The following OLA1 variants were observed in gnomAD, a reference collection of about 807,000 sequenced individuals.
OLA1 encodes obg-like ATPase 1.
In OLA1, 14 loss-of-function variants were observed where a neutral mutation model predicts 48.4. The ratio of observed to expected loss-of-function variants is 0.29; its 90% CI spans 0.19 to 0.45. The LOEUF is 0.45. Ranked by LOEUF, OLA1 falls within the 20% of genes least tolerant of loss-of-function variation. OLA1 has a pLI of 1.00. For synonymous variants in OLA1, 127 were observed against 150.4 expected (o/e 0.84, Z 1.14); for missense variants, 325 against 467.1 (o/e 0.70, Z 2.80).
chr2:174,160,321 G>A (rs1021249167), intron 4 of OLA1, among the ~76,000 whole-genome samples: 1 of 151,908 alleles, frequency 6.6e-6, no homozygotes, highest in Non-Finnish European at 1.5e-5. Flanking sequence ...TGTCTGATAC[G>A]GTTATTCAAC....
At chr2:174,118,834 C>T (rs1206889681) in intron 7 of OLA1, among the ~76,000 whole-genome samples, 1 of 151,880 alleles carries the variant, frequency 6.6e-6, no homozygotes, top group African/African-American at 2.4e-5. Context: ...AATAGTATTG[C>T]AAAAAATACA....
chr2:174,216,424 G>C (rs1688360849), intron 4 of OLA1, among the ~76,000 whole-genome samples: 1 of 152,172 alleles, frequency 6.6e-6, no homozygotes. Flanking sequence ...CAAGAAAAAG[G>C]TGAACTGCTT....
rs76471043 is a variant in OLA1, at chr2:174,114,341, CAAAAAAAAAAAAAA to C, written c.728+8825_728+8838del. The stretch of plus-strand genomic sequence containing the variant: ...TGGGCGACAGAGCAAGACTCCGCCT[CAAAAAAAAAAAAAA>C]AAAAAAAAAAAAAAAAAAGCTAAAT... On this transcript the variant is annotated intron_variant, in intron 7 of 10. Coordinates refer to ENST00000284719, the MANE Select transcript of OLA1 (RefSeq NM_013341.5). Among the ~76,000 whole-genome samples, 128 of 60,632 alleles carry C rather than the reference CAAAAAAAAAAAAAA, an allele frequency of 2.1e-3. 2 individuals carry two copies. Among genetic ancestry groups the C allele is most frequent in the South Asian group, 0.012 (13 of 1,104 alleles). The allele number at this position is 60,632 out of a possible 152,430, so 39.8% of individuals were successfully genotyped here.
At chr2:174,093,920 C>G (rs1685185026) in intron 7 of OLA1, among the ~76,000 whole-genome samples, 1 of 152,270 alleles carries the variant, frequency 6.6e-6, no homozygotes, top group East Asian at 1.9e-4. Context: ...ATAGGGAGAG[C>G]CACAAATCTT....
intron 4 of OLA1, among the ~76,000 whole-genome samples, chr2:174,161,848 A>G (rs557259166): frequency 1.3e-5 from 2 of 152,298 alleles, no homozygotes; most frequent in South Asian, 4.1e-4. Flanking sequence ...ATTTCTAGCA[A>G]TGAAACTGAT....
chr2:174,241,074 A>G lies in OLA1; in HGVS notation c.101+5641T>C, dbSNP rs13019615. Among the ~76,000 whole-genome samples, 516 of 152,338 alleles carry G rather than the reference A, an allele frequency of 3.4e-3. 1 individual carries two copies. Among genetic ancestry groups the G allele is most frequent in the Middle Eastern group, 6.8e-3 (2 of 294 alleles). On this transcript the variant is annotated intron_variant, in intron 2 of 10. Coordinates refer to ENST00000284719, the MANE Select transcript of OLA1 (RefSeq NM_013341.5). Reference sequence around the variant, plus strand: ...CCACACCTCCATTCTCTCGAGAGCCAGACGCCAAGATATAAGGAAGCTTGG... The same window carrying G: ...CCACACCTCCATTCTCTCGAGAGCCGGACGCCAAGATATAAGGAAGCTTGG...
intron 4 of OLA1, among the ~76,000 whole-genome samples, chr2:174,194,008 G>A (rs572999836): frequency 8.5e-5 from 13 of 152,216 alleles, no homozygotes; most frequent in Admixed American, 4.6e-4. Flanking sequence ...ACACGTGCAC[G>A]CACTTTCCTC....
intron 4 of OLA1, among the ~76,000 whole-genome samples, chr2:174,158,128 G>A (rs868562869): frequency 6.6e-6 from 1 of 152,106 alleles, no homozygotes; most frequent in Non-Finnish European, 1.5e-5. Context: ...ATCTTATAAC[G>A]TCCTAGTCAG....
At chr2:174,107,018 A>G (rs948859439) in intron 7 of OLA1, among the ~76,000 whole-genome samples, 2 of 152,136 alleles carry the variant, frequency 1.3e-5, no homozygotes, top group African/African-American at 2.4e-5. Context: ...ATTTTCTCAC[A>G]TCTGTGTCCA....
At chr2:174,234,918 G>A (rs1397904042) in intron 2 of OLA1, among the ~76,000 whole-genome samples, 2 of 152,194 alleles carry the variant, frequency 1.3e-5, no homozygotes, top group Non-Finnish European at 2.9e-5. Context: ...CAGCATTTTG[G>A]AAGGCAGAGG....
At chr2:174,116,105 C>T (rs7573263) in intron 7 of OLA1, among the ~76,000 whole-genome samples, 65,151 of 152,040 alleles carry the variant, frequency 0.43, 14,755 homozygotes, top group East Asian at 0.94. Flanking sequence ...GTTTTTTTTA[C>T]CAAGTTTTGC....
intron 7 of OLA1, among the ~76,000 whole-genome samples, chr2:174,111,918 C>A (rs755966718): frequency 6.6e-6 from 1 of 152,150 alleles, no homozygotes; most frequent in Admixed American, 6.5e-5. Flanking sequence ...CTTTTATGTA[C>A]TGTCCCTACA....
intron 4 of OLA1, among the ~76,000 whole-genome samples, chr2:174,158,390 A>G (rs113427565): frequency 2.6e-5 from 4 of 152,126 alleles, no homozygotes; most frequent in Non-Finnish European, 5.9e-5. Flanking sequence ...ATTGTATTAT[A>G]TTCTTGGTGG....
intron 4 of OLA1, among the ~76,000 whole-genome samples, chr2:174,143,837 C>T (rs1448488955): frequency 6.8e-6 from 1 of 147,046 alleles, no homozygotes; most frequent in Non-Finnish European, 1.5e-5. Flanking sequence ...GGTGTGGTGG[C>T]TCACACCTGT....
chr2:174,194,954 TC>T (rs1243895656), intron 4 of OLA1, among the ~76,000 whole-genome samples: 1 of 151,620 alleles, frequency 6.6e-6, no homozygotes, highest in Non-Finnish European at 1.5e-5. Flanking sequence ...ATTCATATTT[TC>T]TCTCTCTCTC....
At chr2:174,245,625 G>A (rs1341014701) in intron 2 of OLA1, among the ~76,000 whole-genome samples, 1 of 152,210 alleles carries the variant, frequency 6.6e-6, no homozygotes, top group Non-Finnish European at 1.5e-5. Flanking sequence ...CCAGTGCAGT[G>A]GCTCACACCT....
intron 4 of OLA1, among the ~76,000 whole-genome samples, chr2:174,197,450 A>G (rs961200809): frequency 6.6e-6 from 1 of 151,922 alleles, no homozygotes; most frequent in Non-Finnish European, 1.5e-5. Flanking sequence ...TTTTTATGAG[A>G]ATAATTCCAA....
Position 174,079,068 on chromosome 2 carries a change from G to A in OLA1, c.989C>T (p.Ala330Val), listed in dbSNP as rs1446818866. The stretch of plus-strand genomic sequence containing the variant: ...AAAATCTGTGTGAATCTTTCCTGCA[G>A]CCTGAGGAGCCTTAGTCCCTTTCTT... ...TIRKGTKAPQ[A>V]AGKIHTDFEK... The change falls in exon 10 of 11, where the codon GCT (alanine) becomes GTT (valine). Residue 330 changes from alanine to valine, a missense_variant. Transcript: ENST00000284719. 1 of 1,602,498 alleles carries A rather than the reference G, an allele frequency of 6.2e-7. No individual in the cohort carries two copies. Among genetic ancestry groups the A allele is most frequent in the East Asian group, 2.3e-5 (1 of 44,268 alleles).
chr2:174,114,692 C>T (rs1685740448), intron 7 of OLA1, among the ~76,000 whole-genome samples: 1 of 152,146 alleles, frequency 6.6e-6, no homozygotes, highest in African/African-American at 2.4e-5. Flanking sequence ...CTGATGACTA[C>T]CCCTTGATTT....
Sources: allele counts gnomAD v4.1 joint callset (sites outside exome capture counted in the v4.1 genomes callset), GRCh38; gene constraint gnomAD v4.1.1; transcripts MANE v1.5; gene names NCBI Gene and HGNC (gene_info 2026-07-23, HGNC 2026-07-21).